ASCC3: variants seen among roughly 807,000 people sequenced by gnomAD.
ASCC3 encodes ASC-1 complex subunit P200.
A neutral mutation model predicts 256.3 loss-of-function variants in ASCC3; 158 were observed. That is an observed-to-expected ratio of 0.62 (90% CI 0.54 to 0.70). The LOEUF (loss-of-function observed/expected upper bound fraction) is 0.70, where lower values mean the gene tolerates loss of function less well. Ranked by LOEUF, ASCC3 falls within the 30% of genes least tolerant of loss-of-function variation. ASCC3 has a pLI of 0.00. For synonymous variants in ASCC3, 948 were observed against 883.4 expected (o/e 1.07, Z -1.30); for missense variants, 2,259 against 2,626.0 (o/e 0.86, Z 3.05).
At chr6:100,872,422 T>C (rs1202133764) in intron 1 of ASCC3, among the ~76,000 whole-genome samples, 1 of 130,724 alleles carries the variant, frequency 7.6e-6, no homozygotes, top group Non-Finnish European at 1.5e-5. Context: ...CTACAGTAAC[T>C]GAAAACTTTA....
intron 30 of ASCC3, among the ~76,000 whole-genome samples, chr6:100,622,569 C>G (rs545020891): frequency 6.6e-6 from 1 of 151,978 alleles, no homozygotes; most frequent in Admixed American, 6.6e-5. Flanking sequence ...CAGACTAATA[C>G]ACCTATGTAA....
chr6:100,663,526 C>T (rs984231054), intron 14 of ASCC3, among the ~76,000 whole-genome samples: 1 of 151,872 alleles, frequency 6.6e-6, no homozygotes, highest in Non-Finnish European at 1.5e-5. Context: ...TGCAAGTCAC[C>T]CTTATTTTAC....
At chr6:100,858,000 T>C (rs968942307) in intron 3 of ASCC3, 7 of 158,036 alleles carry the variant, frequency 4.4e-5, no homozygotes, top group African/African-American at 1.7e-4. Flanking sequence ...CAATTCTTGG[T>C]ATATCCCTCT....
intron 4 of ASCC3, among the ~76,000 whole-genome samples, chr6:100,845,869 T>C (rs1562339038): frequency 6.6e-6 from 1 of 152,172 alleles, no homozygotes; most frequent in Non-Finnish European, 1.5e-5. Flanking sequence ...TATTCAGAGC[T>C]GGGAAACCAC....
At chr6:100,681,245 A>T (rs1309112103) in intron 13 of ASCC3, among the ~76,000 whole-genome samples, 1 of 152,188 alleles carries the variant, frequency 6.6e-6, no homozygotes, top group Non-Finnish European at 1.5e-5. Context: ...GAAGATAAGA[A>T]GTTCCTCAAA....
At chr6:100,575,375 A>G (rs1474631088) in intron 36 of ASCC3, among the ~76,000 whole-genome samples, 3 of 152,096 alleles carry the variant, frequency 2.0e-5, no homozygotes, top group Admixed American at 1.3e-4. Context: ...CTACAAAACA[A>G]TTTATAGTTG....
chr6:100,871,183 C>T (rs1430073281), intron 1 of ASCC3, among the ~76,000 whole-genome samples: 2 of 151,882 alleles, frequency 1.3e-5, no homozygotes, highest in South Asian at 4.2e-4. Context: ...GCAACCTCCA[C>T]CTCCCAGATT....
intron 37 of ASCC3, among the ~76,000 whole-genome samples, chr6:100,521,432 G>A (rs1279662200): frequency 1.3e-5 from 2 of 152,160 alleles, no homozygotes; most frequent in African/African-American, 2.4e-5. Flanking sequence ...ATAAATTCAT[G>A]TTAGTTTTGC....
intron 16 of ASCC3, among the ~76,000 whole-genome samples, chr6:100,656,374 G>A (rs1775915824): frequency 6.6e-6 from 1 of 151,480 alleles, no homozygotes; most frequent in African/African-American, 2.4e-5. Context: ...AAAATTCACT[G>A]TTTTGCACGA....
At chr6:100,696,400 G>C (rs910368309) in intron 13 of ASCC3, among the ~76,000 whole-genome samples, 1 of 151,630 alleles carries the variant, frequency 6.6e-6, no homozygotes, top group Non-Finnish European at 1.5e-5. Context: ...TTTCATATTC[G>C]GCTTTAATAA....
At position 100,638,785 on chromosome 6, in the gene ASCC3, A is replaced by T. The variant is rs1774970513; in HGVS notation, c.3938T>A (p.Leu1313Ter). ...LDLQPLPITALGCKAYEALYN... is the reference protein window; with the variant it reads ...LDLQPLPITA Reference sequence around the variant, plus strand: ...CAGGGCTTCATATGCTTTACATCCCAAAGCTGTGATTGGTAAAGGCTGAAG... The same window carrying T: ...CAGGGCTTCATATGCTTTACATCCCTAAGCTGTGATTGGTAAAGGCTGAAG... The change falls in exon 25 of 42, where the codon TTG becomes TAG. Residue 1313 changes from leucine to a stop codon, truncating the protein, a stop_gained. Coordinates refer to ENST00000369162, the MANE Select transcript of ASCC3 (RefSeq NM_006828.4). LOFTEE classifies it high-confidence loss of function. 5 of 1,614,156 alleles carry T rather than the reference A, an allele frequency of 3.1e-6. No homozygotes were observed. Among genetic ancestry groups the T allele is most frequent in the Non-Finnish European group, 4.2e-6 (5 of 1,179,998 alleles).
chr6:100,532,242 G>A (rs571624663), intron 37 of ASCC3, among the ~76,000 whole-genome samples: 4 of 150,384 alleles, frequency 2.7e-5, no homozygotes, highest in Non-Finnish European at 4.4e-5. Flanking sequence ...AAGCATACAC[G>A]ATGCAAAATA....
intron 36 of ASCC3, among the ~76,000 whole-genome samples, chr6:100,548,121 G>C (rs1388797369): frequency 6.6e-6 from 1 of 151,644 alleles, no homozygotes; most frequent in East Asian, 1.9e-4. Context: ...TATAGGAACA[G>C]CAAACAGATT....
At chr6:100,856,461 G>T in intron 3 of ASCC3, 1 of 916,250 alleles carries the variant, frequency 1.1e-6, no homozygotes, top group African/African-American at 1.8e-5. Context: ...TTTAATCTAT[G>T]TAATATAAAA....
intron 4 of ASCC3, among the ~76,000 whole-genome samples, chr6:100,845,967 T>C (rs1772362355): frequency 6.6e-6 from 1 of 152,196 alleles, no homozygotes; most frequent in Non-Finnish European, 1.5e-5. Context: ...ATGGTTCTGC[T>C]ACATTTCTGG....
chr6:100,862,453 T>A (rs1017805414), intron 3 of ASCC3, among the ~76,000 whole-genome samples: 3 of 151,988 alleles, frequency 2.0e-5, no homozygotes, highest in Non-Finnish European at 2.9e-5. Flanking sequence ...GAAAAAAAAA[T>A]TTATAGATTT....
At chr6:100,657,690 TA>T (rs1459448524) in intron 16 of ASCC3, among the ~76,000 whole-genome samples, 1 of 151,294 alleles carries the variant, frequency 6.6e-6, no homozygotes, top group East Asian at 1.9e-4. Context: ...AAATTAACAT[TA>T]AAAAATTACC....
chr6:100,707,721 C>A (rs946675443), intron 13 of ASCC3, among the ~76,000 whole-genome samples: 9 of 152,016 alleles, frequency 5.9e-5, no homozygotes, highest in African/African-American at 2.2e-4. Flanking sequence ...TAGAGGTTCA[C>A]GATGATTGTC....
chr6:100,604,307 A>G (rs1482443020), intron 33 of ASCC3, among the ~76,000 whole-genome samples: 1 of 152,078 alleles, frequency 6.6e-6, no homozygotes, highest in South Asian at 2.1e-4. Flanking sequence ...TCCTTTTAAA[A>G]GAACCAACTT....
Sources: allele counts gnomAD v4.1 joint callset (sites outside exome capture counted in the v4.1 genomes callset), GRCh38; gene constraint gnomAD v4.1.1; transcripts MANE v1.5; gene names NCBI Gene and HGNC (gene_info 2026-07-23, HGNC 2026-07-21).